GNA12: variants seen among roughly 807,000 people sequenced by gnomAD.
GNA12 encodes guanine nucleotide-binding protein subunit alpha-12.
In GNA12, 9 loss-of-function variants were observed where a neutral mutation model predicts 26.0. The observed-to-expected ratio is 0.35, with a 90% confidence interval of 0.21 to 0.60. The LOEUF (loss-of-function observed/expected upper bound fraction) is 0.60, where lower values mean the gene tolerates loss of function less well. GNA12 is among the 20% of genes least tolerant of loss of function. The pLI is 0.78. For missense variants in GNA12, 405 were observed against 525.8 expected (o/e 0.77, Z 2.25); for synonymous variants, 264 against 219.6 (o/e 1.20, Z -1.79).
chr7:2,810,083 C>T (rs1468841937), intron 1 of GNA12, among the ~76,000 whole-genome samples: 1 of 152,200 alleles, frequency 6.6e-6, no homozygotes, highest in Non-Finnish European at 1.5e-5. Context: ...AAGAAGTACG[C>T]AGCTGAATAT....
chr7:2,783,898 T>C (rs555564608), intron 2 of GNA12, among the ~76,000 whole-genome samples: 3 of 152,118 alleles, frequency 2.0e-5, no homozygotes, highest in Non-Finnish European at 4.4e-5. Flanking sequence ...TTGGCCAGGC[T>C]GGTCTCAAAC....
At chr7:2,781,265 GTTCT>G (rs948339825) in intron 2 of GNA12, among the ~76,000 whole-genome samples, 27 of 152,086 alleles carry the variant, frequency 1.8e-4, no homozygotes, top group African/African-American at 6.3e-4. Flanking sequence ...TGTACTTTTA[GTTCT>G]TTAAGAAATT....
At chr7:2,751,980 A>C (rs1004189187) in intron 2 of GNA12, among the ~76,000 whole-genome samples, 1 of 152,226 alleles carries the variant, frequency 6.6e-6, no homozygotes, top group African/African-American at 2.4e-5. Flanking sequence ...AAGAGGAAGA[A>C]ATAATTTCCA....
At position 2,763,190 on chromosome 7, in the gene GNA12, CAACACACACACA is replaced by C. The variant is rs1388484339; in HGVS notation, c.526-29701_526-29690del. On this transcript the variant is annotated intron_variant, in intron 2 of 3. Transcript: ENST00000275364. ...GTTAGCAGGACTTCACAAGACACCC[CAACACACACACA>C]CACACACACACACACACACACACAC... is the stretch of plus-strand genomic sequence containing the variant. 174 of 307,852 alleles carry C rather than the reference CAACACACACACA, an allele frequency of 5.7e-4. No individual in the cohort carries two copies. In the African/African-American group the frequency reaches 6.2e-3, roughly 11 times the overall value. The allele number at this position is 307,852 out of a possible 1,614,324, so 19.1% of individuals were successfully genotyped here. A position where few individuals can be genotyped will look rare whatever the true frequency, so the allele number is the denominator to read the frequency against.
Position 2,731,588 on chromosome 7 carries a change from A to T in GNA12, c.739T>A (p.Ser247Thr), listed in dbSNP as rs1583202899. The T allele has an allele frequency of 1.9e-6, 3 of 1,613,660 alleles. No homozygotes were observed. The South Asian group carries it at 3.3e-5, about 18-fold the overall frequency. Residue 247 changes from serine (S) to threonine (T), a missense_variant, in exon 4 of 4, where the codon TCC becomes ACC. Transcript: ENST00000275364. The surrounding 1 kb of genome is among the most constrained non-coding windows in gnomAD (Gnocchi z 6.0). The stretch of plus-strand genomic sequence containing the variant: ...CTGGAGGAGACCATGAACAGGATGG[A>T]CGTGATCCCGTCGAAGCACTGGAAC... ...KWFQCFDGIT[S>T]ILFMVSSSEY...
In GNA12 at chr7:2,815,235, C is replaced by T. The variant is rs148856491; in HGVS notation, c.310-20092G>A. 1.5e-3 allele frequency: 503 copies of T among 332,324 alleles called. 3 individuals are homozygous for T. The highest frequency in any genetic ancestry group is 9.6e-3 in the African/African-American group (441 of 46,104). 20.6% of individuals were successfully genotyped at this position (332,324 alleles called of 1,614,324 possible). A position where few individuals can be genotyped will look rare whatever the true frequency, so the allele number is the denominator to read the frequency against. ...TCAAGGAGGAAGCCAGTCAGCGGAC[C>T]TACAGTCAAGGAGGCTGCTTAAATG... On this transcript the variant is annotated intron_variant, in intron 1 of 3. Coordinates refer to ENST00000275364, the MANE Select transcript of GNA12 (RefSeq NM_007353.3).
Position 2,731,113 on chromosome 7 carries a change from C to T in GNA12, c.*68G>A. On this transcript the variant is annotated 3_prime_UTR_variant, in exon 4 of 4. Coordinates refer to ENST00000275364, the MANE Select transcript of GNA12 (RefSeq NM_007353.3). The surrounding 1 kb of genome is among the most constrained non-coding windows in gnomAD (Gnocchi z 6.0). ...CCACTCAAGGACCACACAGACAACA[C>T]ACACCCAAGAGTCTGACCGACAGCC... The T allele has an allele frequency of 7.5e-6, 8 of 1,065,134 alleles. No individual in the cohort carries two copies. The highest frequency in any genetic ancestry group is 9.8e-6 in the Non-Finnish European group (7 of 715,424). 66.0% of individuals were successfully genotyped at this position (1,065,134 alleles called of 1,614,324 possible).
chr7:2,747,519 C>A (rs928384356), intron 2 of GNA12, among the ~76,000 whole-genome samples: 1 of 152,132 alleles, frequency 6.6e-6, no homozygotes, highest in African/African-American at 2.4e-5. Context: ...TGGGACGTAT[C>A]TCAAAATAAT....
chr7:2,772,689 T>C (rs754024035), intron 2 of GNA12, among the ~76,000 whole-genome samples: 8 of 152,308 alleles, frequency 5.3e-5, no homozygotes, highest in East Asian at 3.9e-4. Flanking sequence ...AAGTGTTGGT[T>C]AGAACGTGGA....
At chr7:2,798,584 C>T (rs1327218021) in intron 1 of GNA12, among the ~76,000 whole-genome samples, 2 of 152,154 alleles carry the variant, frequency 1.3e-5, no homozygotes, top group Non-Finnish European at 2.9e-5. Flanking sequence ...TACCAATATC[C>T]TTAAATTAAT....
intron 1 of GNA12, among the ~76,000 whole-genome samples, chr7:2,839,951 T>C (rs1778942384): frequency 6.6e-6 from 1 of 152,066 alleles, no homozygotes; most frequent in Non-Finnish European, 1.5e-5. Flanking sequence ...TGAGCTGAGA[T>C]TGTGCCACTG....
rs754038385 is a variant in GNA12, at chr7:2,731,738, T to C, written c.589A>G (p.Ser197Gly). 13 of 1,523,354 alleles carry C rather than the reference T, an allele frequency of 8.5e-6. No individual in the cohort carries two copies. The highest frequency in any genetic ancestry group is 1.1e-5 in the Non-Finnish European group (12 of 1,127,790). The allele number at this position is 1,523,354 out of a possible 1,614,324, so 94.4% of individuals were successfully genotyped here. Residue 197 changes from serine to glycine, a missense_variant, in exon 4 of 4, where the codon AGT (serine) becomes GGT (glycine). By Grantham distance (56) the Ser-to-Gly change is moderately conservative. Transcript: ENST00000275364. The surrounding 1 kb of genome is among the most constrained non-coding windows in gnomAD (Gnocchi z 6.0). ...DRIGQLNYFP[S>G]KQDILLARKA... Reference sequence around the variant, plus strand: ...CTAGCCAGCAGGATATCTTGCTTACTAGGAAAGTAATTCTGTAAAATACAG... The same window carrying C: ...CTAGCCAGCAGGATATCTTGCTTACCAGGAAAGTAATTCTGTAAAATACAG...
chr7:2,759,839 G>A (rs1791473883), intron 2 of GNA12, among the ~76,000 whole-genome samples: 1 of 152,098 alleles, frequency 6.6e-6, no homozygotes, highest in Admixed American at 6.5e-5. Context: ...GGGTGCAGAT[G>A]CCGTCCAATG....
intron 1 of GNA12, among the ~76,000 whole-genome samples, chr7:2,797,645 A>AT (rs1305203560): frequency 6.6e-6 from 1 of 152,154 alleles, no homozygotes; most frequent in Non-Finnish European, 1.5e-5. Flanking sequence ...TTTGGTGCCT[A>AT]TAACTTCCAC....
chr7:2,752,915 C>G (rs1173535307), intron 2 of GNA12, among the ~76,000 whole-genome samples: 2 of 152,296 alleles, frequency 1.3e-5, no homozygotes, highest in South Asian at 2.1e-4. Flanking sequence ...CACTTTGTCA[C>G]CTGTCTAGAT....
intron 2 of GNA12, among the ~76,000 whole-genome samples, chr7:2,736,978 G>C (rs1790214301): frequency 6.6e-6 from 1 of 152,170 alleles, no homozygotes; most frequent in South Asian, 2.1e-4. Context: ...GTTCCCTCTT[G>C]TCCTCTGCTC....
chr7:2,757,129 CTTTTTTTTTTTT>C (rs71026549), intron 2 of GNA12, among the ~76,000 whole-genome samples: 18 of 93,996 alleles, frequency 1.9e-4, no homozygotes, highest in African/African-American at 4.8e-4. Flanking sequence ...TCAGGTGGGC[CTTTTTTTTTTTT>C]TTTTTTTTTT....
At chr7:2,796,237 T>C (rs1196471474) in intron 1 of GNA12, among the ~76,000 whole-genome samples, 2 of 152,194 alleles carry the variant, frequency 1.3e-5, no homozygotes, top group South Asian at 2.1e-4. Context: ...CCTACCTGTA[T>C]TGTTTTTAAA....
rs193165615 is a variant in GNA12, at chr7:2,820,690, T to C, written c.309+23163A>G. Among the ~76,000 whole-genome samples, 7 of 152,330 alleles carry C rather than the reference T, an allele frequency of 4.6e-5. No individual in the cohort carries two copies. The East Asian group carries it at 1.3e-3, about 29-fold the overall frequency. ...CCAGCTCCTGACTCACTGACCACCC[T>C]GGCCTCTGCCCTGTAATCTTCCAAA... On this transcript the variant is annotated intron_variant, in intron 1 of 3. Transcript: ENST00000275364.
Sources: allele counts gnomAD v4.1 joint callset (sites outside exome capture counted in the v4.1 genomes callset), GRCh38; gene constraint gnomAD v4.1.1; non-coding constraint Gnocchi (gnomAD v3.1); transcripts MANE v1.5; gene names NCBI Gene and HGNC (gene_info 2026-07-23, HGNC 2026-07-21).